RASEF: variants seen among roughly 807,000 people sequenced by gnomAD.
The protein encoded by RASEF is RAS and EF-hand domain containing, also known as ras and EF-hand domain-containing protein.
In RASEF, 68 loss-of-function variants were observed where a neutral mutation model predicts 90.1. The observed-to-expected ratio is 0.75, with a 90% CI of 0.62 to 0.92. The LOEUF is 0.92. Among genes scored for constraint, RASEF ranks in the 40% least tolerant of loss-of-function variants. RASEF has a pLI of 0.00. For missense variants in RASEF, 949 were observed against 937.2 expected, an observed-to-expected ratio of 1.01 and a Z score of -0.16; for synonymous variants, 331 against 345.2, an observed-to-expected ratio of 0.96 and a Z score of 0.46.
chr9:83,059,320 T>C (rs2117910495), intron 1 of RASEF, among the ~76,000 whole-genome samples: 1 of 148,988 alleles, frequency 6.7e-6, no homozygotes, highest in African/African-American at 2.5e-5. Flanking sequence ...TTTCCTTCTC[T>C]TGGCAATCTT....
chr9:83,015,979 T>A, intron 3 of RASEF, 79 bp from the exon 4 acceptor site: 1 of 1,065,484 alleles, frequency 9.4e-7, no homozygotes, highest in East Asian at 2.4e-5. Context: ...TGAGAAACAT[T>A]TTGTGTCAAA....
At chr9:83,096,284 G>A in the RASEF span, among the ~76,000 whole-genome samples, 1 of 152,104 alleles carries the variant, frequency 6.6e-6, no homozygotes, top group African/African-American at 2.4e-5. Context: ...AATATCTAGA[G>A]AAGTTTAGCC....
intron 7 of RASEF, 125 bp downstream of exon 7, chr9:83,007,312 A>G: frequency 1.3e-6 from 1 of 741,450 alleles, no homozygotes; most frequent in Non-Finnish European, 2.4e-6. Flanking sequence ...CCTGAGAAGA[A>G]ACACCCACTG....
At chr9:83,211,960 T>C in the RASEF span, among the ~76,000 whole-genome samples, 1 of 152,226 alleles carries the variant, frequency 6.6e-6, no homozygotes, top group South Asian at 2.1e-4. Flanking sequence ...ATAATTAGTA[T>C]CACTGTATAC....
chr9:83,210,983 C>T, the RASEF span, among the ~76,000 whole-genome samples: 1 of 151,714 alleles, frequency 6.6e-6, no homozygotes, highest in African/African-American at 2.4e-5. Flanking sequence ...CAAACAAGGA[C>T]ATTATCTTTC....
chr9:83,197,304 TAAG>T, the RASEF span, among the ~76,000 whole-genome samples: 1 of 152,206 alleles, frequency 6.6e-6, no homozygotes, highest in South Asian at 2.1e-4. Flanking sequence ...CAAGTGTCAG[TAAG>T]AAGAAGAGGA....
intron 10 of RASEF, 33 bp downstream of exon 10, chr9:83,000,863 A>T: frequency 6.5e-7 from 1 of 1,533,158 alleles, no homozygotes; most frequent in Non-Finnish European, 9.0e-7. Context: ...ATCACGTAGA[A>T]GGCCTAGGAG....
chr9:83,078,977 A>G, the RASEF span, among the ~76,000 whole-genome samples: 7 of 152,132 alleles, frequency 4.6e-5, no homozygotes, highest in African/African-American at 1.7e-4. Context: ...TAGTTTGCAA[A>G]TATTTTCTCC....
chr9:83,151,158 C>T, the RASEF span, among the ~76,000 whole-genome samples: 1 of 151,186 alleles, frequency 6.6e-6, no homozygotes. Context: ...GAATTGCCAG[C>T]GCATAATGAT....
the RASEF span, among the ~76,000 whole-genome samples, chr9:83,110,778 G>A: frequency 1.3e-5 from 2 of 152,152 alleles, no homozygotes; most frequent in African/African-American, 2.4e-5. Flanking sequence ...TATACCACCT[G>A]TTTGTTCTGA....
chr9:83,205,325 C>G, the RASEF span, among the ~76,000 whole-genome samples: 4 of 152,184 alleles, frequency 2.6e-5, no homozygotes, highest in Non-Finnish European at 4.4e-5. Flanking sequence ...TTCAGATAAG[C>G]AAGCCATACA....
the RASEF span, among the ~76,000 whole-genome samples, chr9:83,107,916 T>A: frequency 6.6e-6 from 1 of 152,172 alleles, no homozygotes; most frequent in Non-Finnish European, 1.5e-5. Context: ...TAAAAATCTA[T>A]CTGTTGAAAA....
chr9:83,139,477 T>C, the RASEF span, among the ~76,000 whole-genome samples: 1 of 152,214 alleles, frequency 6.6e-6, no homozygotes, highest in Non-Finnish European at 1.5e-5. Flanking sequence ...TTATCTACTG[T>C]ATTCTTACAA....
chr9:83,118,495 G>GA, the RASEF span, among the ~76,000 whole-genome samples: 1 of 151,462 alleles, frequency 6.6e-6, no homozygotes, highest in Non-Finnish European at 1.5e-5. Context: ...TTTCTTTCCT[G>GA]TTGCTTTGAT....
At chr9:82,984,106 A>G (rs1828668181) in intron 16 of RASEF, among the ~76,000 whole-genome samples, 1 of 152,260 alleles carries the variant, frequency 6.6e-6, no homozygotes, top group African/African-American at 2.4e-5. Flanking sequence ...ACACTGCTCA[A>G]CAGAAATACA....
At chr9:83,107,403 G>A in the RASEF span, among the ~76,000 whole-genome samples, 1 of 152,172 alleles carries the variant, frequency 6.6e-6, no homozygotes, top group Admixed American at 6.5e-5. Flanking sequence ...GCATGTTCAA[G>A]TCTCATCAAT....
At position 83,008,891 on chromosome 9, in the gene RASEF, C is replaced by CATATATATAT. The variant is rs56810511; in HGVS notation, c.959+740_959+749dup. ...TCCCAACTAAATTTGAAGTTCTCAT[C>CATATATATAT]ATATATATATATATATATATATATA... On this transcript the variant is annotated intron_variant, in intron 6 of 16. Transcript: ENST00000376447. Among the ~76,000 whole-genome samples the CATATATATAT allele has an allele frequency of 5.4e-3, 105 of 19,542 alleles. 4 individuals carry two copies. The highest frequency in any genetic ancestry group is 6.7e-3 in the Non-Finnish European group (58 of 8,620). The allele number at this position is 19,542 out of a possible 152,430, so 12.8% of individuals were successfully genotyped here. A position where few individuals can be genotyped will look rare whatever the true frequency, so the allele number is the denominator to read the frequency against.
At chr9:83,034,291 C>A (rs1202553791) in intron 1 of RASEF, among the ~76,000 whole-genome samples, 2 of 152,154 alleles carry the variant, frequency 1.3e-5, no homozygotes, top group Non-Finnish European at 2.9e-5. Context: ...GGAAAGACAA[C>A]CTGGTCCAGG....
chr9:83,198,032 A>G, the RASEF span, among the ~76,000 whole-genome samples: 1 of 152,208 alleles, frequency 6.6e-6, no homozygotes, highest in Non-Finnish European at 1.5e-5. Flanking sequence ...TGCCATGACA[A>G]ACTCACAAAA....
Sources: gnomAD v4.1 joint callset for allele counts (sites outside exome capture counted in the v4.1 genomes callset) on GRCh38, gnomAD v4.1.1 for gene constraint, MANE v1.5 for transcripts, NCBI Gene and HGNC (gene_info 2026-07-23, HGNC 2026-07-21) for gene names.